The following STARD10 variants were observed in gnomAD, a reference collection of about 807,000 sequenced individuals.
The protein encoded by STARD10 is START domain-containing protein 10.
A neutral mutation model predicts 36.0 loss-of-function variants in STARD10; 24 were observed. The observed-to-expected ratio is 0.67, with a 90% CI of 0.48 to 0.94. STARD10 has a LOEUF of 0.94. STARD10 is among the 40% of genes least tolerant of loss of function. STARD10 has a pLI of 0.00. For synonymous variants in STARD10, 156 were observed against 161.9 expected (o/e 0.96, Z 0.28); for missense variants, 335 against 396.6 (o/e 0.84, Z 1.32).
At chr11:72,778,816 A>C (rs970049183) in intron 2 of STARD10, among the ~76,000 whole-genome samples, 2 of 152,162 alleles carry the variant, frequency 1.3e-5, no homozygotes, top group African/African-American at 4.8e-5. Flanking sequence ...GGGATTACCA[A>C]GGGCTCTTTG....
At chr11:72,775,884 G>A (rs1858924291) in intron 2 of STARD10, among the ~76,000 whole-genome samples, 1 of 152,154 alleles carries the variant, frequency 6.6e-6, no homozygotes, top group African/African-American at 2.4e-5. Flanking sequence ...CACACAGCGA[G>A]GACTCTGGAT....
chr11:72,757,752 G>A lies in STARD10; in HGVS notation c.577+15C>T. 1 of 1,612,262 alleles carries A rather than the reference G, an allele frequency of 6.2e-7. No homozygotes were observed. Among genetic ancestry groups the A allele is most frequent in the Non-Finnish European group, 8.5e-7 (1 of 1,178,678 alleles). On this transcript the variant is annotated intron_variant, in intron 5 of 6. Coordinates refer to ENST00000334805, the MANE Select transcript of STARD10 (RefSeq NM_006645.3). ...GGAAGGATCCCATGATAGGCTGCCA[G>A]GGCCAAGCCCTCACCTTTGGGGTCC...
intron 1 of STARD10, among the ~76,000 whole-genome samples, chr11:72,782,807 T>C (rs1449865444): frequency 6.6e-6 from 1 of 152,132 alleles, no homozygotes; most frequent in Non-Finnish European, 1.5e-5. Context: ...TAGCTCAACT[T>C]CTCTGAGGCC....
chr11:72,757,945 G>A, intron 4 of STARD10, 61 bp from the exon 5 acceptor site: 1 of 1,463,158 alleles, frequency 6.8e-7, no homozygotes, highest in Non-Finnish European at 9.6e-7. Context: ...ATGTTTTTGT[G>A]AGTATACACA....
chr11:72,762,717 G>A (rs566005911), intron 2 of STARD10, among the ~76,000 whole-genome samples: 4 of 152,172 alleles, frequency 2.6e-5, no homozygotes, highest in East Asian at 1.9e-4. Flanking sequence ...GGGCTGGGTC[G>A]GGGGATCAGG....
chr11:72,769,092 G>A (rs970898092), intron 2 of STARD10, among the ~76,000 whole-genome samples: 1 of 152,212 alleles, frequency 6.6e-6, no homozygotes, highest in East Asian at 1.9e-4. Flanking sequence ...AAGGGGTAAA[G>A]GGCTGGGGGG....
chr11:72,779,195 G>A (rs765548178), intron 2 of STARD10, among the ~76,000 whole-genome samples: 11 of 152,178 alleles, frequency 7.2e-5, no homozygotes, highest in Non-Finnish European at 1.3e-4. Flanking sequence ...TGCACTGCCC[G>A]CCTGAAGCCT....
At chr11:72,789,067 G>A (rs988979661) in intron 1 of STARD10, among the ~76,000 whole-genome samples, 1 of 109,812 alleles carries the variant, frequency 9.1e-6, no homozygotes, top group Non-Finnish European at 2.0e-5. Context: ...GGCTGGTCTC[G>A]AACTTCTGGC....
intron 5 of STARD10, among the ~76,000 whole-genome samples, chr11:72,757,487 G>A: frequency 6.6e-6 from 1 of 152,246 alleles, no homozygotes; most frequent in East Asian, 1.9e-4. Flanking sequence ...ACAGGCAGAG[G>A]GAACAGCCAG....
At chr11:72,755,409 C>G in intron 6 of STARD10, 1 of 548,750 alleles carries the variant, frequency 1.8e-6, no homozygotes, top group South Asian at 2.0e-5. Context: ...CTTCCAGGTT[C>G]AAGTGATTCT....
In STARD10 at chr11:72,766,312, T is replaced by C. The variant is rs972798856; in HGVS notation, c.208-6931A>G. Among the ~76,000 whole-genome samples the C allele has an allele frequency of 2.6e-5, 4 of 152,210 alleles. No individual in the cohort carries two copies. In the South Asian group the frequency reaches 6.2e-4, roughly 24 times the overall value. ...GCTGTGTGCCAGACCTGTGTGCAAC[T>C]GTGTGGTGGGAGACCGGCGGTGAAC... On this transcript the variant is annotated intron_variant, in intron 2 of 6. Coordinates refer to ENST00000334805, the MANE Select transcript of STARD10 (RefSeq NM_006645.3).
At chr11:72,788,136 T>TCACC in intron 1 of STARD10, among the ~76,000 whole-genome samples, 1 of 152,310 alleles carries the variant, frequency 6.6e-6, no homozygotes, top group South Asian at 2.1e-4. Context: ...TAGCATGGCC[T>TCACC]CAGGTATAGA....
intron 6 of STARD10, 91 bp from the exon 7 acceptor site, chr11:72,755,233 G>A (rs1858627751): frequency 7.0e-7 from 1 of 1,435,780 alleles, no homozygotes; most frequent in Admixed American, 2.3e-5. Flanking sequence ...CCAGCATCCT[G>A]ACTGGCTCCC....
At chr11:72,773,847 A>G (rs1858896137) in intron 2 of STARD10, among the ~76,000 whole-genome samples, 1 of 152,204 alleles carries the variant, frequency 6.6e-6, no homozygotes, top group African/African-American at 2.4e-5. Flanking sequence ...TCAGGATGTA[A>G]AACCCATGAC....
At chr11:72,787,565 G>A (rs1859089161) in intron 1 of STARD10, among the ~76,000 whole-genome samples, 1 of 152,262 alleles carries the variant, frequency 6.6e-6, no homozygotes, top group Non-Finnish European at 1.5e-5. Context: ...ACCCCGCTCT[G>A]CCTGCTGGGT....
At chr11:72,758,812 C>A (rs1858681344) in intron 3 of STARD10, among the ~76,000 whole-genome samples, 179 bp from the exon 4 acceptor site, 1 of 152,236 alleles carries the variant, frequency 6.6e-6, no homozygotes. Context: ...CAGGGCAAGA[C>A]CTGTCCCTAC....
At chr11:72,773,429 G>A (rs1651536902) in intron 2 of STARD10, among the ~76,000 whole-genome samples, 1 of 152,228 alleles carries the variant, frequency 6.6e-6, no homozygotes, top group African/African-American at 2.4e-5. Context: ...GAGCTGCCAG[G>A]AGACAGCTGA....
chr11:72,759,190 A>G (rs769437023), intron 3 of STARD10, 44 bp downstream of exon 3: 5 of 1,606,910 alleles, frequency 3.1e-6, no homozygotes, highest in Non-Finnish European at 4.3e-6. Flanking sequence ...GGAGGCCTGG[A>G]TGGAGGCCAA....
chr11:72,756,193 C>T (rs1565238302), intron 5 of STARD10, among the ~76,000 whole-genome samples: 1 of 152,174 alleles, frequency 6.6e-6, no homozygotes, highest in Non-Finnish European at 1.5e-5. Flanking sequence ...GGCTGAGCAC[C>T]CCAGCCTGGC....
Sources: gnomAD v4.1 joint callset for allele counts (sites outside exome capture counted in the v4.1 genomes callset) on GRCh38, gnomAD v4.1.1 for gene constraint, MANE v1.5 for transcripts, NCBI Gene and HGNC (gene_info 2026-07-23, HGNC 2026-07-21) for gene names.